Variants in SGPP1 observed in about 807,000 individuals in gnomAD.
SGPP1 encodes the protein hSPP1.
In SGPP1, 21 loss-of-function variants were observed where a neutral mutation model predicts 33.0. The observed-to-expected ratio is 0.64, with a 90% CI of 0.45 to 0.92. The LOEUF (loss-of-function observed/expected upper bound fraction) is 0.92, where lower values mean the gene tolerates loss of function less well. SGPP1 is among the 40% of genes least tolerant of loss of function. The pLI is 0.00. For missense variants in SGPP1, 543 were observed against 589.4 expected (o/e 0.92, Z 0.81); for synonymous variants, 239 against 241.2 (o/e 0.99, Z 0.08).
At chr14:63,694,059 C>G (rs896608771) in intron 2 of SGPP1, among the ~76,000 whole-genome samples, 1 of 152,080 alleles carries the variant, frequency 6.6e-6, no homozygotes, top group Admixed American at 6.5e-5. Flanking sequence ...GCGAGTGGAT[C>G]GCTTGAGCTC....
At chr14:63,720,191 G>A (rs939239082) in intron 1 of SGPP1, among the ~76,000 whole-genome samples, 1 of 151,150 alleles carries the variant, frequency 6.6e-6, no homozygotes, top group Non-Finnish European at 1.5e-5. Context: ...ACTTTGGTAA[G>A]CTGAGGCAGG....
chr14:63,693,935 T>C (rs1347007408), intron 2 of SGPP1, among the ~76,000 whole-genome samples: 2 of 152,194 alleles, frequency 1.3e-5, no homozygotes, highest in Non-Finnish European at 2.9e-5. Flanking sequence ...TCATAATAGA[T>C]ATAAGCATAT....
rs146600133 is a variant in SGPP1, at chr14:63,717,841, G to A, written c.684+9420C>T. On this transcript the variant is annotated intron_variant, in intron 1 of 2. Coordinates refer to ENST00000247225, the MANE Select transcript of SGPP1 (RefSeq NM_030791.4). The stretch of plus-strand genomic sequence containing the variant: ...AGAAAAAGAGAAAATTTTAAAACCA[G>A]CCAGAATAAAAAATACATATTAAGT... Among the ~76,000 whole-genome samples, 110 of 152,182 alleles carry A rather than the reference G, an allele frequency of 7.2e-4. 2 individuals carry two copies. The East Asian group carries it at 0.012, about 17-fold the overall frequency.
intron 2 of SGPP1, among the ~76,000 whole-genome samples, chr14:63,693,778 T>A (rs1303198060): frequency 6.6e-6 from 1 of 152,120 alleles, no homozygotes; most frequent in East Asian, 1.9e-4. Context: ...CATGACCAAC[T>A]TATTTTTTAA....
chr14:63,685,251 T>C lies in SGPP1; in HGVS notation c.*854A>G, dbSNP rs1566815221. On this transcript the variant is annotated 3_prime_UTR_variant, in exon 3 of 3. Transcript: ENST00000247225. ...TACTTTTATGCCTGTCACCCTGACA[T>C]ACATTTTTTAAAATATTTGCTTGAT... is the stretch of plus-strand genomic sequence containing the variant. 1 of 152,498 alleles carries C rather than the reference T, an allele frequency of 6.6e-6. No homozygotes were observed. Among genetic ancestry groups the C allele is most frequent in the Non-Finnish European group, 1.5e-5 (1 of 67,924 alleles). 9.4% of individuals were successfully genotyped at this position (152,498 alleles called of 1,614,324 possible). A position where few individuals can be genotyped will look rare whatever the true frequency, so the allele number is the denominator to read the frequency against.
chr14:63,709,256 C>A (rs1006253618), intron 1 of SGPP1, among the ~76,000 whole-genome samples: 4 of 151,962 alleles, frequency 2.6e-5, no homozygotes, highest in Non-Finnish European at 4.4e-5. Flanking sequence ...GGCCTGTAAT[C>A]CCAGCTACTC....
chr14:63,689,723 G>T (rs935854130), intron 2 of SGPP1, among the ~76,000 whole-genome samples: 1 of 151,878 alleles, frequency 6.6e-6, no homozygotes, highest in Admixed American at 6.6e-5. Context: ...TTAGAACCCC[G>T]GAGGTGGAGG....
chr14:63,697,944 A>G (rs1003100548), intron 2 of SGPP1, among the ~76,000 whole-genome samples: 1 of 152,218 alleles, frequency 6.6e-6, no homozygotes, highest in African/African-American at 2.4e-5. Context: ...ATGCTATCAC[A>G]GTAATCTGGT....
At chr14:63,722,413 C>T (rs1274641077) in intron 1 of SGPP1, among the ~76,000 whole-genome samples, 1 of 149,816 alleles carries the variant, frequency 6.7e-6, no homozygotes, top group East Asian at 1.9e-4. Context: ...TGCCTGTAAT[C>T]CCAGCTACTC....
intron 1 of SGPP1, among the ~76,000 whole-genome samples, chr14:63,708,130 C>T (rs1033861994): frequency 1.3e-5 from 2 of 152,100 alleles, no homozygotes; most frequent in Non-Finnish European, 2.9e-5. Flanking sequence ...ATCTAACTGA[C>T]CTTTCTCTTG....
intron 1 of SGPP1, among the ~76,000 whole-genome samples, chr14:63,711,014 T>TG (rs1491577051): frequency 1.4e-5 from 2 of 146,172 alleles, no homozygotes; most frequent in Admixed American, 6.7e-5. Context: ...TTGTTTTCTT[T>TG]CTTTTTTTTT....
intron 2 of SGPP1, among the ~76,000 whole-genome samples, chr14:63,693,283 G>T (rs1885122969): frequency 6.6e-6 from 1 of 152,160 alleles, no homozygotes; most frequent in Non-Finnish European, 1.5e-5. Context: ...CACCTTATGA[G>T]GTTACATTCC....
intron 2 of SGPP1, 90 bp from the exon 3 acceptor site, chr14:63,686,746 G>T: frequency 1.1e-6 from 1 of 925,308 alleles, no homozygotes; most frequent in Non-Finnish European, 1.5e-6. Context: ...TTCAAATGTT[G>T]AATATACATA....
At chr14:63,687,273 T>G (rs1324886349) in intron 2 of SGPP1, among the ~76,000 whole-genome samples, 1 of 151,998 alleles carries the variant, frequency 6.6e-6, no homozygotes, top group Admixed American at 6.6e-5. Context: ...AATCCCTGTC[T>G]CTACTAAAAA....
intron 1 of SGPP1, among the ~76,000 whole-genome samples, chr14:63,708,814 G>A (rs984673316): frequency 3.3e-5 from 5 of 152,084 alleles, no homozygotes; most frequent in African/African-American, 4.8e-5. Context: ...ATGAAACTGC[G>A]GCACAGCAGG....
chr14:63,686,328 C>T lies in SGPP1; in HGVS notation c.1103G>A (p.Arg368Gln), dbSNP rs375386498. The T allele has an allele frequency of 1.2e-5, 19 of 1,613,832 alleles. No individual in the cohort carries two copies. Among genetic ancestry groups the T allele is most frequent in the African/African-American group, 6.7e-5 (5 of 74,900 alleles). Residue 368 changes from arginine to glutamine, a missense_variant, in exon 3 of 3, where the codon CGG becomes CAG. Coordinates refer to ENST00000247225, the MANE Select transcript of SGPP1 (RefSeq NM_030791.4). ...TACAAATACCATCCCTATGAGGATC[C>T]GCAATATGGCTTTTCCAAACAGAGT... ...TVTLFGKAIL[R>Q]ILIGMVFVLI...
At chr14:63,693,510 A>G (rs1470107563) in intron 2 of SGPP1, among the ~76,000 whole-genome samples, 1 of 152,262 alleles carries the variant, frequency 6.6e-6, no homozygotes, top group Non-Finnish European at 1.5e-5. Flanking sequence ...CAGATGTTTC[A>G]GACAAATGAC....
rs74058052 is a variant in SGPP1, at chr14:63,686,133, T to G, written c.1298A>C (p.Tyr433Ser). 6.2e-7 allele frequency: 1 copy of G among 1,603,604 alleles called. No individual in the cohort carries two copies. Among genetic ancestry groups the G allele is most frequent in the Non-Finnish European group, 8.5e-7 (1 of 1,174,452 alleles). Residue 433 changes from tyrosine (Y) to serine (S), a missense_variant, in exon 3 of 3, where the codon TAC (tyrosine) becomes TCC (serine). By Grantham distance (144) the Tyr-to-Ser change is moderately radical. Transcript: ENST00000247225. ...VGFSITFFVPYIFFFIGIS is the reference protein window; with the variant it reads ...VGFSITFFVPSIFFFIGIS Reference sequence around the variant, plus strand: ...AGAGATACCAATAAAGAAAAATATGTAAGGAACAAAAAATGTGATGGAGAA... The same window carrying G: ...AGAGATACCAATAAAGAAAAATATGGAAGGAACAAAAAATGTGATGGAGAA...
chr14:63,719,297 G>T (rs751407377), intron 1 of SGPP1, among the ~76,000 whole-genome samples: 2 of 150,552 alleles, frequency 1.3e-5, no homozygotes, highest in Non-Finnish European at 3.0e-5. Flanking sequence ...GAGCCACCAC[G>T]CCTGGCCACA....
Sources: gnomAD v4.1 joint callset for allele counts (sites outside exome capture counted in the v4.1 genomes callset) on GRCh38, gnomAD v4.1.1 for gene constraint, MANE v1.5 for transcripts, NCBI Gene and HGNC (gene_info 2026-07-23, HGNC 2026-07-21) for gene names.